PPP1R13B: variants seen among roughly 807,000 people sequenced by gnomAD.
PPP1R13B encodes the protein apoptosis-stimulating of p53 protein 1.
In PPP1R13B, 44 loss-of-function variants were observed where a neutral mutation model predicts 119.8. The ratio of observed to expected loss-of-function variants is 0.37; its 90% confidence interval spans 0.29 to 0.47. PPP1R13B has a LOEUF of 0.47. Ranked by LOEUF, PPP1R13B falls within the 20% of genes least tolerant of loss-of-function variation. The pLI, the probability that PPP1R13B is intolerant of heterozygous loss-of-function variation, is 0.99. For missense variants in PPP1R13B, 1,227 were observed against 1,413.5 expected, an observed-to-expected ratio of 0.87 and a Z score of 2.12; for synonymous variants, 542 against 561.5, an observed-to-expected ratio of 0.97 and a Z score of 0.49.
At chr14:103,802,371 T>C (rs2085920548) in intron 1 of PPP1R13B, among the ~76,000 whole-genome samples, 1 of 152,166 alleles carries the variant, frequency 6.6e-6, no homozygotes, top group Admixed American at 6.6e-5. Context: ...CTTTATAAAT[T>C]GAAGTTTCAA....
At chr14:103,756,596 A>G (rs1270273730) in intron 5 of PPP1R13B, among the ~76,000 whole-genome samples, 1 of 152,198 alleles carries the variant, frequency 6.6e-6, no homozygotes, top group East Asian at 1.9e-4. Context: ...AGAGTAGCAC[A>G]TGGGGAAGCC....
intron 1 of PPP1R13B, among the ~76,000 whole-genome samples, chr14:103,822,531 C>T (rs1041654045): frequency 6.6e-6 from 1 of 152,166 alleles, no homozygotes; most frequent in African/African-American, 2.4e-5. Flanking sequence ...ACCCTAACTA[C>T]CTATTTCACC....
At chr14:103,770,641 C>T (rs955017721) in intron 4 of PPP1R13B, among the ~76,000 whole-genome samples, 1 of 152,032 alleles carries the variant, frequency 6.6e-6, no homozygotes, top group African/African-American at 2.4e-5. Context: ...GCACAGATAA[C>T]AACAGAAAAC....
At chr14:103,784,509 G>A (rs556043433) in intron 3 of PPP1R13B, among the ~76,000 whole-genome samples, 6 of 146,982 alleles carry the variant, frequency 4.1e-5, no homozygotes, top group Non-Finnish European at 7.4e-5. Flanking sequence ...CTTGAACTCC[G>A]GAGGTGGAGG....
At chr14:103,769,217 C>T (rs2085008543) in intron 4 of PPP1R13B, among the ~76,000 whole-genome samples, 1 of 152,036 alleles carries the variant, frequency 6.6e-6, no homozygotes, top group South Asian at 2.1e-4. Flanking sequence ...TCCCGAGTAG[C>T]TGGGATCACA....
At chr14:103,838,038 G>C (rs1028655814) in intron 1 of PPP1R13B, among the ~76,000 whole-genome samples, 3 of 152,166 alleles carry the variant, frequency 2.0e-5, no homozygotes, top group African/African-American at 7.2e-5. Flanking sequence ...AGAATCGCTT[G>C]AACCTAGGAG....
At chr14:103,748,477 GGCTA>G (rs2084452509) in intron 8 of PPP1R13B, among the ~76,000 whole-genome samples, 1 of 152,162 alleles carries the variant, frequency 6.6e-6, no homozygotes, top group Non-Finnish European at 1.5e-5. Flanking sequence ...GAGCAGTAGA[GGCTA>G]ACAAGAGGAC....
chr14:103,789,232 T>G (rs10873538), intron 2 of PPP1R13B, among the ~76,000 whole-genome samples: 45,298 of 151,536 alleles, frequency 0.3, 7,174 homozygotes, highest in Non-Finnish European at 0.35. Context: ...ATTTTTTTTT[T>G]GGGGGGGATG....
intron 9 of PPP1R13B, among the ~76,000 whole-genome samples, chr14:103,745,570 C>A (rs1468327843): frequency 6.6e-6 from 1 of 152,226 alleles, no homozygotes; most frequent in African/African-American, 2.4e-5. Context: ...GCAGGGGCAC[C>A]ACCCATGGAC....
At chr14:103,739,158 G>A (rs949811043) in intron 12 of PPP1R13B, 135 bp from the exon 13 acceptor site, 2 of 1,245,330 alleles carry the variant, frequency 1.6e-6, no homozygotes, top group Admixed American at 2.2e-5. Context: ...AGTGGTAGCA[G>A]TAGCAGCGCC....
At chr14:103,808,233 C>T (rs898802743) in intron 1 of PPP1R13B, among the ~76,000 whole-genome samples, 1 of 147,796 alleles carries the variant, frequency 6.8e-6, no homozygotes, top group Admixed American at 6.7e-5. Flanking sequence ...GACAGTGACT[C>T]TATCTCAAAA....
At chr14:103,827,190 G>A (rs1380816486) in intron 1 of PPP1R13B, among the ~76,000 whole-genome samples, 1 of 151,732 alleles carries the variant, frequency 6.6e-6, no homozygotes, top group East Asian at 1.9e-4. Flanking sequence ...CAGGTGTGGT[G>A]GCAGGTGTGG....
chr14:103,801,634 ACCTCAATGACTC>A (rs1310968135), intron 1 of PPP1R13B, among the ~76,000 whole-genome samples: 21 of 151,982 alleles, frequency 1.4e-4, no homozygotes, highest in Admixed American at 3.3e-4. Flanking sequence ...CTATTGCATC[ACCTCAATGACTC>A]CCTCCCTTTA....
At chr14:103,807,628 A>G (rs2086048887) in intron 1 of PPP1R13B, among the ~76,000 whole-genome samples, 1 of 151,992 alleles carries the variant, frequency 6.6e-6, no homozygotes, top group South Asian at 2.1e-4. Flanking sequence ...CCAAGTAGCT[A>G]GGACAAAAAG....
chr14:103,735,884 G>C, intron 16 of PPP1R13B, 119 bp downstream of exon 16: 1 of 1,137,246 alleles, frequency 8.8e-7, no homozygotes, highest in African/African-American at 1.5e-5. Context: ...CCTCTACAGA[G>C]GGGGCTGCTG....
At chr14:103,829,702 T>G (rs976987540) in intron 1 of PPP1R13B, among the ~76,000 whole-genome samples, 7 of 152,334 alleles carry the variant, frequency 4.6e-5, no homozygotes, top group Middle Eastern at 3.4e-3. Context: ...CTCAAACTCC[T>G]GGGCTCAGGC....
At chr14:103,750,058 C>A in intron 7 of PPP1R13B, 124 bp from the exon 8 acceptor site, 6 of 988,476 alleles carry the variant, frequency 6.1e-6, no homozygotes, top group Non-Finnish European at 8.9e-6. Flanking sequence ...GCATGCACTG[C>A]CACCTTGTGT....
At position 103,738,673 on chromosome 14, in the gene PPP1R13B, C is replaced by T; in HGVS notation, c.2864+6G>A. 1 of 1,614,114 alleles carries T rather than the reference C, an allele frequency of 6.2e-7. No homozygotes were observed. Among genetic ancestry groups the T allele is most frequent in the Non-Finnish European group, 8.5e-7 (1 of 1,179,986 alleles). ...TCTGTCCACCCCACACTCCTACGGG[C>T]CTCACCATCCATCACTATCAGCAGC... On this transcript the variant is annotated splice_donor_region_variant and intron_variant, in intron 14 of 16. Transcript: ENST00000202556. This position sits in a 1 kb window ranked among gnomAD's most constrained non-coding sequence, Gnocchi z 5.6.
At chr14:103,778,149 T>A (rs2085252098) in intron 4 of PPP1R13B, among the ~76,000 whole-genome samples, 1 of 151,258 alleles carries the variant, frequency 6.6e-6, no homozygotes, top group South Asian at 2.1e-4. Flanking sequence ...AAACAGGGTT[T>A]CACCATATTG....
Sources: gnomAD v4.1 joint callset for allele counts (sites outside exome capture counted in the v4.1 genomes callset) on GRCh38, gnomAD v4.1.1 for gene constraint, Gnocchi (gnomAD v3.1) non-coding constraint, MANE v1.5 for transcripts, NCBI Gene and HGNC (gene_info 2026-07-23, HGNC 2026-07-21) for gene names.